THADA: variants seen among roughly 807,000 people sequenced by gnomAD.
THADA encodes the protein THADA armadillo repeat containing, also known as tRNA (32-2'-O)-methyltransferase regulator THADA.
A neutral mutation model predicts 219.8 loss-of-function variants in THADA; 213 were observed. The ratio of observed to expected loss-of-function variants is 0.97; its 90% CI spans 0.87 to 1.09. The LOEUF is 1.09. THADA is among the 50% of genes least tolerant of loss of function. THADA has a pLI of 0.00. For synonymous variants in THADA, 1,018 were observed against 828.9 expected (o/e 1.23, Z -3.92); for missense variants, 2,956 against 2,311.3 (o/e 1.28, Z -5.72).
chr2:43,276,292 G>A (rs1281629055), intron 36 of THADA, among the ~76,000 whole-genome samples: 1 of 152,182 alleles, frequency 6.6e-6, no homozygotes, highest in Non-Finnish European at 1.5e-5. Flanking sequence ...GGCTGAGGGT[G>A]CTTTGGACAT....
chr2:43,587,017 A>T lies in THADA; in HGVS notation c.303-15T>A. 2 of 1,607,630 alleles carry T rather than the reference A, an allele frequency of 1.2e-6. No individual in the cohort carries two copies. Among genetic ancestry groups the T allele is most frequent in the South Asian group, 2.2e-5 (2 of 89,898 alleles). On this transcript the variant is annotated splice_polypyrimidine_tract_variant and intron_variant, in intron 4 of 37. Coordinates refer to ENST00000405975, the MANE Select transcript of THADA (RefSeq NM_022065.5). ...TATTTAGTGAGCTAGAAAAAGAAACAAATATTAAAAATCTGACAATCTAAT... is the reference window on the plus strand; with the variant it reads ...TATTTAGTGAGCTAGAAAAAGAAACTAATATTAAAAATCTGACAATCTAAT...
chr2:43,508,194 G>C (rs1689945432), intron 23 of THADA, among the ~76,000 whole-genome samples: 1 of 152,044 alleles, frequency 6.6e-6, no homozygotes, highest in Non-Finnish European at 1.5e-5. Flanking sequence ...CTACTATTAT[G>C]ATCATGATTA....
Position 43,543,559 on chromosome 2 carries a change from T to C in THADA, c.3107-2243A>G, listed in dbSNP as rs940084688. Among the ~76,000 whole-genome samples, 9 of 151,966 alleles carry C rather than the reference T, an allele frequency of 5.9e-5. No individual in the cohort carries two copies. The East Asian group carries it at 9.7e-4, about 16-fold the overall frequency. On this transcript the variant is annotated intron_variant, in intron 20 of 37. Coordinates refer to ENST00000405975, the MANE Select transcript of THADA (RefSeq NM_022065.5). ...CTGTTGTTTCCTGACTTTTTAATGATTGCCATTCTACCTGGTGTGAGATGG... is the reference window on the plus strand; with the variant it reads ...CTGTTGTTTCCTGACTTTTTAATGACTGCCATTCTACCTGGTGTGAGATGG...
chr2:43,561,876 T>C (rs931772237), intron 15 of THADA, among the ~76,000 whole-genome samples: 2 of 152,208 alleles, frequency 1.3e-5, no homozygotes, highest in Admixed American at 6.5e-5. Flanking sequence ...TGATGTTACC[T>C]GTGGTTGTGT....
intron 36 of THADA, among the ~76,000 whole-genome samples, chr2:43,246,797 A>G (rs1318249127): frequency 1.3e-5 from 2 of 152,204 alleles, no homozygotes; most frequent in African/African-American, 4.8e-5. Context: ...CCTGTGGCCA[A>G]CACTCCCCAG....
At chr2:43,236,153 G>C (rs1030044831) in intron 36 of THADA, among the ~76,000 whole-genome samples, 2 of 152,186 alleles carry the variant, frequency 1.3e-5, no homozygotes, top group Non-Finnish European at 2.9e-5. Flanking sequence ...GAAGGGGCAG[G>C]AGAGTGGCGG....
intron 28 of THADA, among the ~76,000 whole-genome samples, chr2:43,422,396 G>A (rs760427226): frequency 1.3e-4 from 20 of 152,256 alleles, no homozygotes; most frequent in South Asian, 4.2e-4. Flanking sequence ...CCCCTCGACA[G>A]ATACTAGTTC....
intron 27 of THADA, among the ~76,000 whole-genome samples, chr2:43,428,572 T>A (rs1678814128): frequency 6.6e-6 from 1 of 152,120 alleles, no homozygotes; most frequent in African/African-American, 2.4e-5. Context: ...GCCACTGCAC[T>A]CCAGCCTGGG....
At chr2:43,324,194 A>G (rs1440656330) in intron 30 of THADA, among the ~76,000 whole-genome samples, 1 of 152,242 alleles carries the variant, frequency 6.6e-6, no homozygotes, top group African/African-American at 2.4e-5. Context: ...CAGCTAAGTT[A>G]GCATATTTTT....
At chr2:43,240,194 T>C (rs1405128621) in intron 36 of THADA, among the ~76,000 whole-genome samples, 1 of 151,926 alleles carries the variant, frequency 6.6e-6, no homozygotes, top group Non-Finnish European at 1.5e-5. Flanking sequence ...AGCCCAAGCT[T>C]GGGCCGCAGG....
At chr2:43,541,055 T>C in intron 21 of THADA, 104 bp downstream of exon 21, 2 of 1,163,720 alleles carry the variant, frequency 1.7e-6, no homozygotes, top group South Asian at 2.0e-5. Flanking sequence ...TATGATTTTA[T>C]TCAAGAAAAA....
intron 36 of THADA, among the ~76,000 whole-genome samples, chr2:43,267,789 G>C (rs1222806423): frequency 6.6e-6 from 1 of 152,212 alleles, no homozygotes; most frequent in Non-Finnish European, 1.5e-5. Context: ...AGTCTACTGA[G>C]TGCTCTGTGT....
intron 26 of THADA, among the ~76,000 whole-genome samples, chr2:43,465,134 TA>T (rs1231555105): frequency 6.6e-6 from 1 of 152,196 alleles, no homozygotes; most frequent in East Asian, 1.9e-4. Flanking sequence ...TGTAAAGCAA[TA>T]GGAACTATTC....
At chr2:43,253,938 C>T (rs79765962) in intron 36 of THADA, among the ~76,000 whole-genome samples, 1,871 of 152,158 alleles carry the variant, frequency 0.012, 22 homozygotes, top group Admixed American at 0.017. Context: ...ACCTTCCATT[C>T]GCCCTCCTTT....
intron 24 of THADA, among the ~76,000 whole-genome samples, chr2:43,504,566 C>A (rs780912859): frequency 2.6e-5 from 4 of 152,148 alleles, no homozygotes; most frequent in Non-Finnish European, 4.4e-5. Context: ...CTAGCATGGC[C>A]CTTTACAGTT....
chr2:43,352,160 T>C (rs931957788), intron 29 of THADA, among the ~76,000 whole-genome samples: 1 of 152,242 alleles, frequency 6.6e-6, no homozygotes, highest in African/African-American at 2.4e-5. Context: ...CTGTTTATAT[T>C]TGATAATTTA....
intron 15 of THADA, chr2:43,566,397 T>C (rs779087252): frequency 1.5e-6 from 1 of 675,064 alleles, no homozygotes; most frequent in South Asian, 1.7e-5. Flanking sequence ...GATTGGATAC[T>C]ATCTTAAAAC....
At chr2:43,560,949 G>A (rs974456823) in intron 15 of THADA, among the ~76,000 whole-genome samples, 3 of 151,568 alleles carry the variant, frequency 2.0e-5, no homozygotes, top group African/African-American at 4.8e-5. Context: ...GCCAGGAGAC[G>A]GAGATTGCAG....
At chr2:43,373,339 C>T (rs1671017174) in intron 29 of THADA, among the ~76,000 whole-genome samples, 3 of 152,158 alleles carry the variant, frequency 2.0e-5, no homozygotes, top group South Asian at 4.1e-4. Context: ...TAAAAGACTA[C>T]TAGAACTGCT....
Sources: allele counts gnomAD v4.1 joint callset (sites outside exome capture counted in the v4.1 genomes callset), GRCh38; gene constraint gnomAD v4.1.1; transcripts MANE v1.5; gene names NCBI Gene and HGNC (gene_info 2026-07-23, HGNC 2026-07-21).